MGAT4C: variants seen among roughly 807,000 people sequenced by gnomAD.
MGAT4C encodes the protein alpha-1,3-mannosyl-glycoprotein 4-beta-N-acetylglucosaminyltransferase C.
MGAT4C carries 19 observed loss-of-function variants against 40.1 expected under a neutral mutation model. That is an observed-to-expected ratio of 0.47 (90% CI 0.33 to 0.70). The LOEUF is 0.70. MGAT4C is among the 30% of genes least tolerant of loss of function. The pLI is 0.02. For synonymous variants in MGAT4C, 181 were observed against 187.1 expected (o/e 0.97, Z 0.27); for missense variants, 491 against 563.2 (o/e 0.87, Z 1.30).
At chr12:86,774,315 C>CTTTCTTTCTTTCTTTCT (rs1555227765) in intron 1 of MGAT4C, among the ~76,000 whole-genome samples, 14 of 59,394 alleles carry the variant, frequency 2.4e-4, no homozygotes, top group African/African-American at 7.0e-4. Flanking sequence ...TTCTTTCTTT[C>CTTTCTTTCTTTCTTTCT]TTTCTTTCTT....
chr12:86,805,291 G>T (rs535689730), intron 1 of MGAT4C, among the ~76,000 whole-genome samples: 1 of 151,922 alleles, frequency 6.6e-6, no homozygotes, highest in Non-Finnish European at 1.5e-5. Flanking sequence ...TGATGCTTAG[G>T]TTTGGAATAT....
intron 2 of MGAT4C, among the ~76,000 whole-genome samples, chr12:86,476,644 G>A (rs1957839297): frequency 6.6e-6 from 1 of 152,044 alleles, no homozygotes; most frequent in African/African-American, 2.4e-5. Context: ...TAATTGCAGA[G>A]CTATTCACAA....
Position 86,568,300 on chromosome 12 carries a change from T to A in MGAT4C, c.-228-133035A>T, listed in dbSNP as rs1418595253. Among the ~76,000 whole-genome samples the A allele has an allele frequency of 2.0e-5, 3 of 152,120 alleles. No homozygotes were observed. In the East Asian group the frequency reaches 5.8e-4, roughly 30 times the overall value. On this transcript the variant is annotated intron_variant, in intron 2 of 7. Coordinates refer to the MGAT4C transcript ENST00000548651. ...GCAGATTTGCTGAGTTTTCTGGCCTTTATCTTTCTCCTATACTGGATGCTT... is the reference window on the plus strand; with the variant it reads ...GCAGATTTGCTGAGTTTTCTGGCCTATATCTTTCTCCTATACTGGATGCTT...
chr12:85,988,023 G>T (rs912824565), intron 3 of MGAT4C, among the ~76,000 whole-genome samples: 2 of 152,078 alleles, frequency 1.3e-5, no homozygotes, highest in Non-Finnish European at 2.9e-5. Context: ...TTGTTCTGTT[G>T]TCCTTATTAT....
chr12:86,393,960 C>T (rs1956202274), intron 3 of MGAT4C, among the ~76,000 whole-genome samples: 1 of 152,174 alleles, frequency 6.6e-6, no homozygotes, highest in South Asian at 2.1e-4. Context: ...GCCAATGACA[C>T]ATAAAATGAA....
chr12:86,068,554 T>C (rs992822956), intron 1 of MGAT4C: 14 of 148,330 alleles, frequency 9.4e-5, no homozygotes, highest in South Asian at 2.1e-4. Flanking sequence ...TATAAATATA[T>C]ATAAGTATAT....
intron 1 of MGAT4C, among the ~76,000 whole-genome samples, chr12:86,245,437 T>C (rs576822543): frequency 6.6e-6 from 1 of 152,296 alleles, no homozygotes; most frequent in East Asian, 1.9e-4. Flanking sequence ...GCCTCCTTTT[T>C]TGAACTTCGT....
rs1462502784 is a variant in MGAT4C at position 85,969,368 on chromosome 12, C to T, written c.*9921G>A. On this transcript the variant is annotated 3_prime_UTR_variant, in exon 5 of 5. Transcript: ENST00000611864. ...TTAATCACACAAAAAATGTTGCATA[C>T]ATACTGTCTAACTACCAGTTTGGTA... 1 of 151,592 alleles carries T rather than the reference C, an allele frequency of 6.6e-6. No individual in the cohort carries two copies. Among genetic ancestry groups the T allele is most frequent in the Non-Finnish European group, 1.5e-5 (1 of 67,672 alleles). The allele number at this position is 151,592 out of a possible 1,614,324, so 9.4% of individuals were successfully genotyped here. A position where few individuals can be genotyped will look rare whatever the true frequency, so the allele number is the denominator to read the frequency against.
chr12:86,400,366 A>G (rs1298541488), intron 3 of MGAT4C, among the ~76,000 whole-genome samples: 1 of 152,164 alleles, frequency 6.6e-6, no homozygotes, highest in Admixed American at 6.5e-5. Context: ...TGTATTACCC[A>G]ACTTCCCTTA....
intron 4 of MGAT4C, among the ~76,000 whole-genome samples, chr12:86,269,820 T>C (rs1327381649): frequency 1.3e-5 from 2 of 152,162 alleles, no homozygotes; most frequent in Admixed American, 1.3e-4. Flanking sequence ...TTTTTGATGG[T>C]ACCCTGGTTC....
At chr12:86,286,506 A>G (rs1279439246) in intron 4 of MGAT4C, among the ~76,000 whole-genome samples, 1 of 152,198 alleles carries the variant, frequency 6.6e-6, no homozygotes, top group Admixed American at 6.5e-5. Context: ...ATGGCAGTAA[A>G]TGAATATTCA....
chr12:86,169,786 AGTATATT>A (rs1886613712), intron 1 of MGAT4C, among the ~76,000 whole-genome samples: 1 of 152,184 alleles, frequency 6.6e-6, no homozygotes, highest in Admixed American at 6.5e-5. Context: ...GGAAAACTGG[AGTATATT>A]TCACTCTCAA....
chr12:86,659,525 G>T (rs1963930086), intron 2 of MGAT4C, among the ~76,000 whole-genome samples: 1 of 152,204 alleles, frequency 6.6e-6, no homozygotes, highest in South Asian at 2.1e-4. Context: ...AACAGGGCAA[G>T]TTTAATATAT....
chr12:86,334,065 GT>G (rs935826371), exon 4 of MGAT4C: 3 of 152,076 alleles, frequency 2.0e-5, no homozygotes, highest in African/African-American at 7.2e-5. Flanking sequence ...CAGGACTCAC[GT>G]TTTAGTTTCT....
At chr12:86,579,695 C>T (rs1960705164) in intron 2 of MGAT4C, among the ~76,000 whole-genome samples, 1 of 151,512 alleles carries the variant, frequency 6.6e-6, no homozygotes, top group Non-Finnish European at 1.5e-5. Flanking sequence ...CCCTTTCTTT[C>T]TAATTGAGTA....
At chr12:86,411,700 G>A (rs1051904087) in intron 3 of MGAT4C, among the ~76,000 whole-genome samples, 4 of 152,206 alleles carry the variant, frequency 2.6e-5, no homozygotes, top group African/African-American at 9.6e-5. Context: ...CCATTTTCTG[G>A]AGAGGAATTA....
chr12:86,091,839 C>T (rs1394766567), intron 1 of MGAT4C, among the ~76,000 whole-genome samples: 1 of 151,772 alleles, frequency 6.6e-6, no homozygotes, highest in Non-Finnish European at 1.5e-5. Context: ...GTTCCTGCCT[C>T]TGGCATTCAC....
At chr12:86,618,863 G>A (rs1962546340) in intron 2 of MGAT4C, among the ~76,000 whole-genome samples, 1 of 152,052 alleles carries the variant, frequency 6.6e-6, no homozygotes, top group Admixed American at 6.6e-5. Context: ...TGTTTGCAAT[G>A]ATAGATAACC....
intron 1 of MGAT4C, among the ~76,000 whole-genome samples, chr12:86,092,512 AAAT>A (rs2135573392): frequency 6.6e-6 from 1 of 152,254 alleles, no homozygotes; most frequent in South Asian, 2.1e-4. Flanking sequence ...AAAGACGCTA[AAAT>A]ATTATATTAT....
Sources: gnomAD v4.1 joint callset for allele counts (sites outside exome capture counted in the v4.1 genomes callset) on GRCh38, gnomAD v4.1.1 for gene constraint, MANE v1.5 for transcripts, NCBI Gene and HGNC (gene_info 2026-07-23, HGNC 2026-07-21) for gene names.